Variants in PAEP observed in about 807,000 individuals in gnomAD.
PAEP encodes the protein progestagen associated endometrial protein.
Under a neutral mutation model 23.0 loss-of-function variants are expected in PAEP, and 28 were observed. The observed-to-expected ratio is 1.22, with a 90% CI of 0.90 to 1.67. The LOEUF (loss-of-function observed/expected upper bound fraction) is 1.67. PAEP is among the 40% of genes most tolerant of loss of function. The probability of loss-of-function intolerance (pLI) is 0.00; values close to 1 mark genes in which losing one functional copy is unlikely to be tolerated. For missense variants in PAEP, 209 were observed against 226.4 expected (o/e 0.92, Z 0.49); for synonymous variants, 103 against 92.4 (o/e 1.12, Z -0.66).
chr9:135,565,145 A>C (rs749028458), intron 4 of PAEP, among the ~76,000 whole-genome samples: 4 of 152,210 alleles, frequency 2.6e-5, no homozygotes, highest in Non-Finnish European at 5.9e-5. Context: ...TGTAGACACC[A>C]TCCTAAGCTG....
chr9:135,565,827 C>T, intron 6 of PAEP, 26 bp downstream of exon 6: 1 of 1,614,016 alleles, frequency 6.2e-7, no homozygotes, highest in East Asian at 2.2e-5. Context: ...GTCCTGCCTC[C>T]TGGGTAATGT....
intron 2 of PAEP, 56 bp downstream of exon 2, chr9:135,562,489 G>C: frequency 6.3e-7 from 1 of 1,582,706 alleles, no homozygotes; most frequent in Non-Finnish European, 8.6e-7. Flanking sequence ...CCCCCTCAGG[G>C]GTCCAGGACT....
At chr9:135,562,540 C>A in intron 2 of PAEP, 107 bp downstream of exon 2, 1 of 1,391,832 alleles carries the variant, frequency 7.2e-7, no homozygotes, top group Non-Finnish European at 9.8e-7. Flanking sequence ...CAGGCATTTT[C>A]TGACAGCCAG....
At position 135,565,643 on chromosome 9, in the gene PAEP, C is replaced by G. The variant is rs561964518; in HGVS notation, c.526+129C>G. 2.6e-5 allele frequency: 35 copies of G among 1,329,568 alleles called. No homozygotes were observed. The South Asian group carries it at 3.2e-4, about 12-fold the overall frequency. 82.4% of individuals were successfully genotyped at this position (1,329,568 alleles called of 1,614,324 possible). On this transcript the variant is annotated intron_variant, in intron 5 of 6. Coordinates refer to ENST00000479141, the MANE Select transcript of PAEP (RefSeq NM_002571.4). ...TGGCCCCTCCCCTGTTCTCCCCTGG[C>G]CTTCTGGGGTGCAGAGCCACCCTGA...
rs1247683739 is a variant in PAEP at position 135,564,319 on chromosome 9, C to T, written c.386C>T (p.Thr129Ile). The change falls in exon 4 of 7, where the codon ACC (threonine) becomes ATC (isoleucine). Residue 129 changes from threonine to isoleucine, a missense_variant. By Grantham distance (89) the Thr-to-Ile change is moderately conservative. Coordinates refer to ENST00000479141, the MANE Select transcript of PAEP (RefSeq NM_002571.4). ...CTGTTTCTCTGCCTACAGGACACCA[C>T]CACCCCCATCCAGAGCATGATGTGC... Reference protein sequence around the residue: ...NFLFLCLQDTTTPIQSMMCQY... With the variant: ...NFLFLCLQDTITPIQSMMCQY... The T allele has an allele frequency of 1.3e-6, 2 of 1,551,482 alleles. No homozygotes were observed. Among genetic ancestry groups the T allele is most frequent in the South Asian group, 2.4e-5 (2 of 84,038 alleles).
chr9:135,562,509 G>T, intron 2 of PAEP, 76 bp downstream of exon 2: 1 of 1,536,784 alleles, frequency 6.5e-7, no homozygotes. Context: ...TGGGTGGGTT[G>T]GGCGGAGCTG....
intron 5 of PAEP, 75 bp from the exon 6 acceptor site, chr9:135,565,710 C>G: frequency 6.4e-7 from 1 of 1,561,324 alleles, no homozygotes. Context: ...CATCCCTTCT[C>G]TAGCCCTGGG....
At chr9:135,565,381 GC>G (rs753262643) in intron 4 of PAEP, 28 bp from the exon 5 acceptor site, 164 of 1,579,820 alleles carry the variant, frequency 1.0e-4, no homozygotes, top group Middle Eastern at 1.7e-4. Context: ...AGCCCCAGGG[GC>G]CCAGGACTGA....
intron 5 of PAEP, 22 bp from the exon 6 acceptor site, chr9:135,565,763 A>C (rs774889770): frequency 6.2e-7 from 1 of 1,613,524 alleles, no homozygotes; most frequent in Non-Finnish European, 8.5e-7. Context: ...TGACACCTCC[A>C]CTGTCCCATC....
At position 135,564,309 on chromosome 9, in the gene PAEP, C is replaced by A. The variant is rs3748210; in HGVS notation, c.376C>A (p.Gln126Lys). ...CGACAATTTCCTGTTTCTCTGCCTA[C>A]AGGACACCACCACCCCCATCCAGAG... ...DYDNFLFLCL[Q>K]DTTTPIQSMM... The change falls in exon 4 of 7, where the codon CAG becomes AAG. Residue 126 changes from glutamine (Q) to lysine (K), a missense_variant. Transcript: ENST00000479141. The A allele has an allele frequency of 0.08, 124,075 of 1,552,116 alleles. 14,563 individuals carry two copies. The highest frequency in any genetic ancestry group is 0.47 in the East Asian group (19,280 of 41,152).
At chr9:135,563,663 G>T (rs1832441490) in intron 3 of PAEP, among the ~76,000 whole-genome samples, 1 of 152,170 alleles carries the variant, frequency 6.6e-6, no homozygotes. Flanking sequence ...CTTACAGCAT[G>T]TCCTTGGTCC....
At chr9:135,562,674 G>A in intron 2 of PAEP, 146 bp from the exon 3 acceptor site, 1 of 827,166 alleles carries the variant, frequency 1.2e-6, no homozygotes, top group Non-Finnish European at 2.0e-6. Flanking sequence ...GCAGCCCCAG[G>A]TCAGACTGAG....
chr9:135,564,480 T>A, intron 4 of PAEP, 126 bp downstream of exon 4: 1 of 1,464,526 alleles, frequency 6.8e-7, no homozygotes, highest in Non-Finnish European at 9.0e-7. Flanking sequence ...ACTTTTTTTT[T>A]CTTGGTTTTT....
Position 135,561,899 on chromosome 9 carries a change from T to C in PAEP, c.96+2T>C. On this transcript the variant is annotated splice_donor_variant, in intron 1 of 6. Coordinates refer to ENST00000479141, the MANE Select transcript of PAEP (RefSeq NM_002571.4). LOFTEE classifies it high-confidence loss of function. ...AAGCAGGACCTGGAGCTCCCAAAGG[T>C]TTGAGGCTGGGGGAGCGGGCACTTT... 1 of 1,559,130 alleles carries C rather than the reference T, an allele frequency of 6.4e-7. No homozygotes were observed. The highest frequency in any genetic ancestry group is 8.7e-7 in the Non-Finnish European group (1 of 1,150,512).
At chr9:135,564,000 C>A (rs1000489982) in intron 3 of PAEP, among the ~76,000 whole-genome samples, 1 of 152,198 alleles carries the variant, frequency 6.6e-6, no homozygotes, top group African/African-American at 2.4e-5. Flanking sequence ...CCCTGCCTGC[C>A]GTGTCTGCCT....
chr9:135,562,856 A>G lies in PAEP; in HGVS notation c.273A>G (p.Gly91=). The part of the protein sequence containing the change: ...NNSCVEKKVL[G]EKTENPKKFK... ...GCTGTGTTGAGAAGAAGGTCCTTGG[A>G]GAGAAGACTGAGAATCCAAAGAAGT... Residue 91 remains glycine (G), a synonymous_variant, in exon 3 of 7, where the codon GGA becomes GGG. Transcript: ENST00000479141. 6.2e-7 allele frequency: 1 copy of G among 1,614,046 alleles called. No homozygotes were observed. The highest frequency in any genetic ancestry group is 1.1e-5 in the South Asian group (1 of 91,070).
At chr9:135,561,965 A>G (rs697448) in intron 1 of PAEP, 68 bp downstream of exon 1, 1,085,699 of 1,085,812 alleles carry the variant, frequency 1, 542,793 homozygotes, top group Middle Eastern at 1. Flanking sequence ...GCGGGCAGGC[A>G]GGAAGCCCAG....
rs1318521629 is a variant in PAEP at position 135,562,831 on chromosome 9, G to A, written c.248G>A (p.Ser83Asn). The A allele has an allele frequency of 6.2e-7, 1 of 1,613,592 alleles. No homozygotes were observed. The highest frequency in any genetic ancestry group is 8.5e-7 in the Non-Finnish European group (1 of 1,179,636). ...TCACCACCTTTCAGGGAGAACAACA[G>A]CTGTGTTGAGAAGAAGGTCCTTGGA... ...EIVLHRWENN[S>N]CVEKKVLGEK... Residue 83 changes from serine (S) to asparagine (N), a missense_variant, in exon 3 of 7, where the codon AGC becomes AAC. Ser to Asn is a conservative substitution (Grantham distance 46, BLOSUM62 1). Transcript: ENST00000479141.
chr9:135,565,299 C>T (rs1348920147), intron 4 of PAEP, 111 bp from the exon 5 acceptor site: 5 of 895,214 alleles, frequency 5.6e-6, no homozygotes, highest in Non-Finnish European at 9.2e-6. Flanking sequence ...TGCCAGACCT[C>T]GGAGCACTGG....
Sources: gnomAD v4.1 joint callset for allele counts (sites outside exome capture counted in the v4.1 genomes callset) on GRCh38, gnomAD v4.1.1 for gene constraint, MANE v1.5 for transcripts, NCBI Gene and HGNC (gene_info 2026-07-23, HGNC 2026-07-21) for gene names.